Variants in PPARGC1A observed in about 807,000 individuals in gnomAD.
PPARGC1A encodes the protein PPARG coactivator 1 alpha.
A neutral mutation model predicts 88.7 loss-of-function variants in PPARGC1A; 25 were observed. That is an observed-to-expected ratio of 0.28 (90% CI 0.21 to 0.39). The LOEUF is 0.39. Among genes scored for constraint, PPARGC1A ranks in the 10% least tolerant of loss-of-function variants. The pLI is 1.00. For synonymous variants in PPARGC1A, 363 were observed against 355.6 expected (o/e 1.02, Z -0.24); for missense variants, 880 against 968.7 (o/e 0.91, Z 1.22).
the PPARGC1A span, among the ~76,000 whole-genome samples, chr4:24,078,887 T>C: frequency 6.6e-6 from 1 of 152,036 alleles, no homozygotes; most frequent in Non-Finnish European, 1.5e-5. Flanking sequence ...CATATTTAAC[T>C]CAAAATACAG....
chr4:24,235,821 G>A, the PPARGC1A span, among the ~76,000 whole-genome samples: 1 of 152,160 alleles, frequency 6.6e-6, no homozygotes, highest in Non-Finnish European at 1.5e-5. Flanking sequence ...AGCTGATAAG[G>A]AAGTGATCAG....
the PPARGC1A span, among the ~76,000 whole-genome samples, chr4:23,947,274 T>C: frequency 6.7e-6 from 1 of 149,974 alleles, no homozygotes; most frequent in African/African-American, 2.5e-5. Flanking sequence ...CTATAGTAAG[T>C]GCTTTACATA....
intron 2 of PPARGC1A, chr4:23,881,690 G>C (rs1386915081): frequency 6.6e-6 from 1 of 152,180 alleles, no homozygotes; most frequent in African/African-American, 2.4e-5. Context: ...TAACTACTCA[G>C]TGCCTGATTT....
chr4:24,140,533 C>A, the PPARGC1A span, among the ~76,000 whole-genome samples: 1 of 152,172 alleles, frequency 6.6e-6, no homozygotes, highest in Admixed American at 6.5e-5. Context: ...ATAATACACT[C>A]TGCCCTCAAC....
At chr4:24,027,073 G>A in the PPARGC1A span, among the ~76,000 whole-genome samples, 1 of 152,070 alleles carries the variant, frequency 6.6e-6, no homozygotes, top group Non-Finnish European at 1.5e-5. Flanking sequence ...TAGGCTTTTA[G>A]TAACAGAAAG....
the PPARGC1A span, among the ~76,000 whole-genome samples, chr4:24,021,335 C>G: frequency 6.6e-6 from 1 of 152,170 alleles, no homozygotes; most frequent in African/African-American, 2.4e-5. Flanking sequence ...CCAAAGCCCA[C>G]GGCTAAGAAG....
the PPARGC1A span, among the ~76,000 whole-genome samples, chr4:23,957,651 G>T: frequency 6.6e-6 from 1 of 152,054 alleles, no homozygotes; most frequent in African/African-American, 2.4e-5. Flanking sequence ...CAACTGCAAA[G>T]AAAGCAAAGT....
chr4:23,895,936 ATGTGTGTGTGTGTGTGTGTGTG>A (rs550243415), intron 1 of PPARGC1A, among the ~76,000 whole-genome samples: 2 of 130,714 alleles, frequency 1.5e-5, no homozygotes, highest in East Asian at 2.3e-4. Context: ...AATTATAGAG[ATGTGTGTGTGTGTGTGTGTGTG>A]TGTGTGTGTG....
At chr4:24,171,304 G>T in the PPARGC1A span, among the ~76,000 whole-genome samples, 1 of 151,970 alleles carries the variant, frequency 6.6e-6, no homozygotes, top group Non-Finnish European at 1.5e-5. Context: ...TACTTGGGAG[G>T]TTGAGGCAGG....
the PPARGC1A span, among the ~76,000 whole-genome samples, chr4:23,975,528 G>A: frequency 5.8e-3 from 887 of 151,736 alleles, 5 homozygotes; most frequent in Admixed American, 0.01. Context: ...AGCAATTCTC[G>A]TTCCTCAACC....
At chr4:23,918,042 T>G in the PPARGC1A span, among the ~76,000 whole-genome samples, 1 of 152,164 alleles carries the variant, frequency 6.6e-6, no homozygotes. Context: ...AGTGCCGGCA[T>G]GAGCTGGATG....
chr4:23,878,841 C>T (rs1715340895), intron 2 of PPARGC1A, among the ~76,000 whole-genome samples: 1 of 152,196 alleles, frequency 6.6e-6, no homozygotes, highest in Non-Finnish European at 1.5e-5. Flanking sequence ...TGGTAGACTA[C>T]AAATGCAAAG....
chr4:24,230,965 A>AAAG, the PPARGC1A span, among the ~76,000 whole-genome samples: 1 of 151,642 alleles, frequency 6.6e-6, no homozygotes, highest in Non-Finnish European at 1.5e-5. Flanking sequence ...AAAATAAAAA[A>AAAG]AGACGAAGAA....
chr4:24,171,609 T>C, the PPARGC1A span, among the ~76,000 whole-genome samples: 1 of 152,202 alleles, frequency 6.6e-6, no homozygotes, highest in South Asian at 2.1e-4. Context: ...CTCAGAAATA[T>C]GCCTGGCACT....
chr4:24,392,790 T>C, the PPARGC1A span, among the ~76,000 whole-genome samples: 2 of 152,128 alleles, frequency 1.3e-5, no homozygotes, highest in Non-Finnish European at 2.9e-5. Context: ...ACTTTCCCGT[T>C]GCCTCAGCGC....
chr4:24,129,364 GC>G, the PPARGC1A span, among the ~76,000 whole-genome samples: 13 of 152,130 alleles, frequency 8.5e-5, no homozygotes, highest in Admixed American at 8.5e-4. Flanking sequence ...GTTCCATAGG[GC>G]TAGGATTAAA....
At chr4:24,142,923 T>C in the PPARGC1A span, among the ~76,000 whole-genome samples, 1 of 152,096 alleles carries the variant, frequency 6.6e-6, no homozygotes, top group Admixed American at 6.5e-5. Context: ...TAGCTGAGGC[T>C]GGATGCTCAA....
intron 1 of PPARGC1A, 97 bp downstream of exon 1, chr4:23,889,807 T>G: frequency 7.0e-7 from 1 of 1,437,274 alleles, no homozygotes; most frequent in South Asian, 1.3e-5. Flanking sequence ...CTTTCCTGGC[T>G]CCTCTCTTTG....
the PPARGC1A span, among the ~76,000 whole-genome samples, chr4:24,014,664 C>A: frequency 6.6e-6 from 1 of 152,056 alleles, no homozygotes; most frequent in Non-Finnish European, 1.5e-5. Flanking sequence ...GAGGGTCATC[C>A]TTCTTCATAG....
Sources: gnomAD v4.1 joint callset for allele counts (sites outside exome capture counted in the v4.1 genomes callset) on GRCh38, gnomAD v4.1.1 for gene constraint, MANE v1.5 for transcripts, NCBI Gene and HGNC (gene_info 2026-07-23, HGNC 2026-07-21) for gene names.